Variants in DGKH observed in about 807,000 individuals in gnomAD.
DGKH encodes the protein DAG kinase eta.
Under a neutral mutation model 159.3 loss-of-function variants are expected in DGKH, and 90 were observed. The observed-to-expected ratio is 0.57, with a 90% CI of 0.48 to 0.67. DGKH has a LOEUF of 0.67. Ranked by LOEUF, DGKH falls within the 30% of genes least tolerant of loss-of-function variation. The pLI, the probability that DGKH is intolerant of heterozygous loss-of-function variation, is 0.00. For missense variants in DGKH, 1,181 were observed against 1,506.1 expected (o/e 0.78, Z 3.57); for synonymous variants, 536 against 553.8 (o/e 0.97, Z 0.45).
chr13:42,168,915 T>G, intron 11 of DGKH, 97 bp downstream of exon 11: 2 of 1,340,508 alleles, frequency 1.5e-6, no homozygotes, highest in South Asian at 1.7e-5. Context: ...TAAATTTTAC[T>G]GACTAGAAGC....
intron 27 of DGKH, 84 bp downstream of exon 27, chr13:42,219,433 AG>A: frequency 1.3e-6 from 2 of 1,539,530 alleles, no homozygotes; most frequent in Non-Finnish European, 1.8e-6. Context: ...AGAGATATTT[AG>A]GGAAAAATGA....
intron 2 of DGKH, among the ~76,000 whole-genome samples, chr13:42,128,088 T>C (rs1251276242): frequency 6.6e-6 from 1 of 152,188 alleles, no homozygotes; most frequent in Non-Finnish European, 1.5e-5. Context: ...AGAGCTTCCA[T>C]AGTACCTGAT....
intron 1 of DGKH, among the ~76,000 whole-genome samples, chr13:42,071,727 C>T (rs115145695): frequency 0.033 from 4,978 of 152,316 alleles, 102 homozygotes; most frequent in South Asian, 0.045. Context: ...TCTGATACAA[C>T]GGGACTTCTC....
chr13:42,199,554 C>T lies in DGKH; in HGVS notation c.2286-12C>T. ...CAAATTGACTTTGATGTACTTTTCC[C>T]TGTGATCATAGAGATGGATATTCAG... On this transcript the variant is annotated splice_polypyrimidine_tract_variant and intron_variant, in intron 18 of 29. Coordinates refer to ENST00000337343, the MANE Select transcript of DGKH (RefSeq NM_178009.5). 2.0e-6 allele frequency: 3 copies of T among 1,537,852 alleles called. No homozygotes were observed. Among genetic ancestry groups the T allele is most frequent in the Non-Finnish European group, 1.8e-6 (2 of 1,133,878 alleles).
At chr13:42,108,914 T>C (rs1274916446) in intron 1 of DGKH, among the ~76,000 whole-genome samples, 1 of 152,100 alleles carries the variant, frequency 6.6e-6, no homozygotes, top group East Asian at 1.9e-4. Context: ...TTTGTCATAA[T>C]GGAGAGGAAG....
intron 1 of DGKH, among the ~76,000 whole-genome samples, chr13:42,055,805 T>C (rs1881714816): frequency 6.6e-6 from 1 of 152,224 alleles, no homozygotes; most frequent in Non-Finnish European, 1.5e-5. Context: ...GCAAATTTGT[T>C]TGGTTTTGTT....
At chr13:42,248,050 G>A (rs1958594419) in intron 29 of DGKH, among the ~76,000 whole-genome samples, 1 of 152,088 alleles carries the variant, frequency 6.6e-6, no homozygotes, top group Non-Finnish European at 1.5e-5. Context: ...GCAAAGTAAT[G>A]CCCCAGGCCT....
At chr13:42,207,011 C>CTTTCTTTCTTTCTTTCTTTCTT in intron 21 of DGKH, among the ~76,000 whole-genome samples, 1 of 138,716 alleles carries the variant, frequency 7.2e-6, no homozygotes, top group Non-Finnish European at 1.5e-5. Context: ...TTCTTTCTTT[C>CTTTCTTTCTTTCTTTCTTTCTT]TTTCTTTCTT....
Position 42,189,157 on chromosome 13 carries a change from C to T in DGKH, c.1760C>T (p.Ser587Phe), listed in dbSNP as rs1957003241. 6.2e-7 allele frequency: 1 copy of T among 1,614,230 alleles called. No individual in the cohort carries two copies. The highest frequency in any genetic ancestry group is 8.5e-7 in the Non-Finnish European group (1 of 1,180,038). The change falls in exon 15 of 30, where the codon TCC becomes TTC. Residue 587 changes from serine (S) to phenylalanine (F), a missense_variant. Physicochemically the swap from Ser to Phe is radical, Grantham distance 155. Around this residue, in one of 5 missense-constraint regions of DGKH, gnomAD observed 257 missense variants for 281.5 expected, o/e 0.91. Coordinates refer to ENST00000337343, the MANE Select transcript of DGKH (RefSeq NM_178009.5). The part of the protein sequence containing the change: ...LIVEEDAVES[S>F]SEESLGESKE... ...GTGGAAGAAGATGCTGTGGAATCGTCCAGTGAAGAGTCCCTGGGTGAAAGC... is the reference window on the plus strand; with the variant it reads ...GTGGAAGAAGATGCTGTGGAATCGTTCAGTGAAGAGTCCCTGGGTGAAAGC...
intron 1 of DGKH, among the ~76,000 whole-genome samples, chr13:42,097,548 C>A (rs1452667927): frequency 1.3e-5 from 2 of 152,266 alleles, no homozygotes; most frequent in Non-Finnish European, 1.5e-5. Context: ...AAAGTTGTAG[C>A]CCCAGATGCC....
At chr13:42,248,413 G>A (rs238330) in intron 29 of DGKH, among the ~76,000 whole-genome samples, 70,443 of 148,640 alleles carry the variant, frequency 0.47, 17,091 homozygotes, top group Non-Finnish European at 0.53. Context: ...GTAACAGAGC[G>A]AGACACCGTC....
rs1958537723 is a variant in DGKH, at chr13:42,242,771, GT to G, written c.*13584del. 1 of 152,168 alleles carries G rather than the reference GT, an allele frequency of 6.6e-6. No homozygotes were observed. The highest frequency in any genetic ancestry group is 1.5e-5 in the Non-Finnish European group (1 of 68,034). The allele number at this position is 152,168 out of a possible 1,614,324, so 9.4% of individuals were successfully genotyped here. A position where few individuals can be genotyped will look rare whatever the true frequency, so the allele number is the denominator to read the frequency against. ...TTTATTGTACGGAAGTCACTGACGT[GT>G]GTATTTTTGTACTTTGCTGAAAGTA... is the stretch of plus-strand genomic sequence containing the variant. On this transcript the variant is annotated 3_prime_UTR_variant, in exon 30 of 30. Coordinates refer to ENST00000337343, the MANE Select transcript of DGKH (RefSeq NM_178009.5).
chr13:42,246,884 A>G (rs1958584668), downstream of DGKH, among the ~76,000 whole-genome samples: 1 of 152,122 alleles, frequency 6.6e-6, no homozygotes, highest in Admixed American at 6.5e-5. Flanking sequence ...CCCAATATAC[A>G]TAAATATATA....
chr13:42,146,285 A>T lies in DGKH; in HGVS notation c.385-9006A>T, dbSNP rs1053462677. Among the ~76,000 whole-genome samples the T allele has an allele frequency of 1.4e-4, 22 of 152,026 alleles. 1 individual carries two copies. The highest frequency in any genetic ancestry group is 5.3e-4 in the African/African-American group (22 of 41,492). The stretch of plus-strand genomic sequence containing the variant: ...GACTATCCTCAAAATGACTGTAGAT[A>T]AACTTCTAAAAGGCGTTTACCTGAA... On this transcript the variant is annotated intron_variant, in intron 3 of 29. Coordinates refer to ENST00000337343, the MANE Select transcript of DGKH (RefSeq NM_178009.5).
chr13:42,152,197 T>G (rs976393501), intron 3 of DGKH, among the ~76,000 whole-genome samples: 1 of 152,172 alleles, frequency 6.6e-6, no homozygotes, highest in Non-Finnish European at 1.5e-5. Context: ...AGAGAGTACA[T>G]TTGTGTTGTT....
In DGKH at chr13:42,242,713, G is replaced by A. The variant is rs576185018; in HGVS notation, c.*13525G>A. 10 of 152,118 alleles carry A rather than the reference G, an allele frequency of 6.6e-5. No homozygotes were observed. The highest frequency in any genetic ancestry group is 2.1e-4 in the South Asian group (1 of 4,826). The allele number at this position is 152,118 out of a possible 1,614,324, so 9.4% of individuals were successfully genotyped here. ...TATGACTACTAAGTGACCAGTTTTCGGTGCCTTTTATTGTGGGATGCATGA... is the reference window on the plus strand; with the variant it reads ...TATGACTACTAAGTGACCAGTTTTCAGTGCCTTTTATTGTGGGATGCATGA... On this transcript the variant is annotated 3_prime_UTR_variant, in exon 30 of 30. Transcript: ENST00000337343.
chr13:42,093,258 A>G (rs1403713565), intron 1 of DGKH, among the ~76,000 whole-genome samples: 2 of 152,014 alleles, frequency 1.3e-5, no homozygotes, highest in Admixed American at 6.6e-5. Context: ...AAAAAAAAAA[A>G]AGATGCTCAA....
intron 1 of DGKH, among the ~76,000 whole-genome samples, chr13:42,059,224 C>CT (rs987152018): frequency 3.3e-5 from 5 of 151,132 alleles, no homozygotes; most frequent in African/African-American, 1.2e-4. Context: ...AGGCCACTGT[C>CT]TTTTGTTAAT....
At position 42,235,673 on chromosome 13, in the gene DGKH, G is replaced by A. The variant is rs1958399076; in HGVS notation, c.*6485G>A. On this transcript the variant is annotated 3_prime_UTR_variant, in exon 30 of 30. Coordinates refer to ENST00000337343, the MANE Select transcript of DGKH (RefSeq NM_178009.5). ...AATATTTCTTACAGTTCTGGTAACT[G>A]GTAACTAGTGCTGTGAAAGGTTTTG... is the stretch of plus-strand genomic sequence containing the variant. 6.6e-6 allele frequency: 1 copy of A among 152,136 alleles called. No homozygotes were observed. The highest frequency in any genetic ancestry group is 1.5e-5 in the Non-Finnish European group (1 of 67,990). 9.4% of individuals were successfully genotyped at this position (152,136 alleles called of 1,614,324 possible). A position where few individuals can be genotyped will look rare whatever the true frequency, so the allele number is the denominator to read the frequency against.
Sources: allele counts gnomAD v4.1 joint callset (sites outside exome capture counted in the v4.1 genomes callset), GRCh38; gene constraint gnomAD v4.1.1; regional missense constraint gnomAD v4.1.1; transcripts MANE v1.5; gene names NCBI Gene and HGNC (gene_info 2026-07-23, HGNC 2026-07-21).